Variants in USP47 observed in about 807,000 individuals in gnomAD.
USP47 encodes the protein ubiquitin specific peptidase 47, also known as ubiquitin carboxyl-terminal hydrolase 47.
Under a neutral mutation model 165.1 loss-of-function variants are expected in USP47, and 35 were observed. That is an observed-to-expected ratio of 0.21 (90% CI 0.16 to 0.28). The LOEUF (loss-of-function observed/expected upper bound fraction) is 0.28, where lower values mean the gene tolerates loss of function less well. Ranked by LOEUF, USP47 falls within the 10% of genes least tolerant of loss-of-function variation. USP47 has a pLI of 1.00. For synonymous variants in USP47, 531 were observed against 544.5 expected (o/e 0.98, Z 0.35); for missense variants, 1,277 against 1,607.4 (o/e 0.79, Z 3.52).
chr11:11,937,838 A>G (rs963596827), intron 17 of USP47, among the ~76,000 whole-genome samples: 1 of 151,940 alleles, frequency 6.6e-6, no homozygotes, highest in South Asian at 2.1e-4. Flanking sequence ...CAATGTTTGA[A>G]GATCATTTAT....
rs545476141 is a variant in USP47 at position 11,850,343 on chromosome 11, T to G, written c.39+8119T>G. On this transcript the variant is annotated intron_variant, in intron 1 of 27. Coordinates refer to ENST00000527733, the MANE Select transcript of USP47 (RefSeq NM_001282659.2). ...TGCTTTCTGGGAGATTTTTCTCAAC[T>G]TTGTCTTCCAGTTTTTCTACTAAGT... Among the ~76,000 whole-genome samples, 6 of 152,084 alleles carry G rather than the reference T, an allele frequency of 3.9e-5. No homozygotes were observed. The South Asian group carries it at 1.2e-3, about 32-fold the overall frequency.
At chr11:11,895,897 T>TA (rs1851816574) in intron 4 of USP47, among the ~76,000 whole-genome samples, 1 of 152,228 alleles carries the variant, frequency 6.6e-6, no homozygotes, top group Non-Finnish European at 1.5e-5. Context: ...TATGTTCTCA[T>TA]ATTCTTCTTG....
chr11:11,941,430 A>T (rs1037043579), intron 19 of USP47, among the ~76,000 whole-genome samples: 2 of 152,040 alleles, frequency 1.3e-5, no homozygotes, highest in Non-Finnish European at 2.9e-5. Flanking sequence ...CTTTTATGCA[A>T]AACCCAACAT....
rs533253325 is a variant in USP47, at chr11:11,920,632, A to C, written c.1218+138A>C. Reference sequence around the variant, plus strand: ...GGAAACTTTTTCTTTCTTATTTTCTAATGTGGAATTCAATAAAATGATTTA... The same window carrying C: ...GGAAACTTTTTCTTTCTTATTTTCTCATGTGGAATTCAATAAAATGATTTA... On this transcript the variant is annotated intron_variant, in intron 10 of 27. Coordinates refer to ENST00000527733, the MANE Select transcript of USP47 (RefSeq NM_001282659.2). The C allele has an allele frequency of 4.3e-6, 3 of 705,278 alleles. No homozygotes were observed. The African/African-American group carries it at 5.6e-5, about 13-fold the overall frequency. The allele number at this position is 705,278 out of a possible 1,614,324, so 43.7% of individuals were successfully genotyped here.
intron 1 of USP47, among the ~76,000 whole-genome samples, chr11:11,876,474 AAAGT>A (rs1327600457): frequency 6.6e-6 from 1 of 152,192 alleles, no homozygotes; most frequent in African/African-American, 2.4e-5. Flanking sequence ...AGTGGACCCT[AAAGT>A]TTAGTGACTT....
intron 3 of USP47, among the ~76,000 whole-genome samples, chr11:11,890,069 T>G (rs1386881453): frequency 6.6e-6 from 1 of 152,136 alleles, no homozygotes. Flanking sequence ...GATTAAAGAC[T>G]TCAATGTAAA....
At position 11,905,564 on chromosome 11, in the gene USP47, C is replaced by G. The variant is rs1479316137; in HGVS notation, c.969+16C>G. ...TGCTAGTGTGGTGTGTACCTTTCAC[C>G]TGACTGCTTGTGTATCCTTACACAG... On this transcript the variant is annotated intron_variant, in intron 8 of 27. Transcript: ENST00000527733. 1.3e-6 allele frequency: 2 copies of G among 1,586,656 alleles called. No individual in the cohort carries two copies. The highest frequency in any genetic ancestry group is 1.7e-6 in the Non-Finnish European group (2 of 1,162,478).
intron 5 of USP47, 62 bp downstream of exon 5, chr11:11,897,755 CA>C: frequency 8.6e-7 from 1 of 1,166,780 alleles, no homozygotes. Flanking sequence ...TCACTTTTAA[CA>C]AAATTTATCT....
intron 1 of USP47, among the ~76,000 whole-genome samples, chr11:11,843,303 A>G (rs1314736594): frequency 1.3e-5 from 2 of 152,198 alleles, no homozygotes; most frequent in Non-Finnish European, 2.9e-5. Flanking sequence ...TGATACAAGT[A>G]TTTTCCCAGC....
rs1024997644 is a variant in USP47 at position 11,892,836 on chromosome 11, A to G, written c.496+730A>G. ...TCTCAAGTAAAAAAAAAAAAAAAAG[A>G]AAAAGAAAAAAAAAATTCAAGACTT... On this transcript the variant is annotated intron_variant, in intron 4 of 27. Transcript: ENST00000527733. Among the ~76,000 whole-genome samples the G allele has an allele frequency of 4.9e-4, 32 of 64,904 alleles. 1 individual carries two copies. Among genetic ancestry groups the G allele is most frequent in the African/African-American group, 1.9e-3 (31 of 16,188 alleles). The allele number at this position is 64,904 out of a possible 152,430, so 42.6% of individuals were successfully genotyped here. A position where few individuals can be genotyped will look rare whatever the true frequency, so the allele number is the denominator to read the frequency against.
rs1236693881 is a variant in USP47, at chr11:11,959,638, A to T, written c.*3463A>T. ...ACTTTCAGAAACAAGAATACTGCAC[A>T]AACTCAAGCATGCATTGGAGCATGT... On this transcript the variant is annotated 3_prime_UTR_variant, in exon 28 of 28. Coordinates refer to ENST00000527733, the MANE Select transcript of USP47 (RefSeq NM_001282659.2). 3.3e-5 allele frequency among the ~76,000 whole-genome samples: 5 copies of T among 152,246 alleles called. No homozygotes were observed. Among genetic ancestry groups the T allele is most frequent in the Admixed American group, 3.3e-4 (5 of 15,292 alleles).
intron 1 of USP47, among the ~76,000 whole-genome samples, chr11:11,860,380 G>T (rs1013321420): frequency 6.6e-6 from 1 of 151,990 alleles, no homozygotes; most frequent in East Asian, 1.9e-4. Context: ...TTTGACTTAA[G>T]GAGTCTAATC....
At chr11:11,930,237 A>AT (rs1195972818) in intron 13 of USP47, 117 bp downstream of exon 13, 4 of 836,670 alleles carry the variant, frequency 4.8e-6, no homozygotes, top group Non-Finnish European at 7.5e-6. Context: ...CATGAGCCAA[A>AT]TCCAACCTGC....
intron 1 of USP47, among the ~76,000 whole-genome samples, chr11:11,847,410 C>T (rs1848489077): frequency 6.6e-6 from 1 of 151,996 alleles, no homozygotes; most frequent in Admixed American, 6.6e-5. Flanking sequence ...ATCTCCAGCC[C>T]TGACCCCTTC....
chr11:11,887,273 C>T (rs75812003), intron 3 of USP47, among the ~76,000 whole-genome samples: 3,281 of 152,098 alleles, frequency 0.022, 76 homozygotes, highest in Non-Finnish European at 0.029. Flanking sequence ...AATTAAAAGG[C>T]ACAGAATGGC....
At position 11,947,721 on chromosome 11, in the gene USP47, G is replaced by A. The variant is rs115219730; in HGVS notation, c.3092-224G>A. ...TTTGGCAACCTAAACAAAGAAACAA[G>A]CACTTAAATAGCTCAGAACATTTTA... On this transcript the variant is annotated intron_variant, in intron 20 of 27. Transcript: ENST00000527733. Among the ~76,000 whole-genome samples the A allele has an allele frequency of 5.6e-4, 85 of 152,258 alleles. 1 individual carries two copies. Among genetic ancestry groups the A allele is most frequent in the African/African-American group, 1.9e-3 (81 of 41,554 alleles).
chr11:11,960,998 C>A lies in USP47; in HGVS notation c.*4823C>A, dbSNP rs1293643821. On this transcript the variant is annotated 3_prime_UTR_variant, in exon 28 of 28. Transcript: ENST00000527733. ...AGGCTATGGTTCATCATGCAAATAG[C>A]TCCTGTGTCAGAAATGCTTTTTGGC... Among the ~76,000 whole-genome samples the A allele has an allele frequency of 1.3e-5, 2 of 152,158 alleles. No homozygotes were observed. The highest frequency in any genetic ancestry group is 2.9e-5 in the Non-Finnish European group (2 of 68,030).
intron 1 of USP47, among the ~76,000 whole-genome samples, chr11:11,869,486 A>AG (rs1419708840): frequency 6.6e-6 from 1 of 152,210 alleles, no homozygotes; most frequent in African/African-American, 2.4e-5. Flanking sequence ...AATACCACAC[A>AG]GTCTTGATTA....
At chr11:11,937,531 C>G (rs938541106) in intron 17 of USP47, among the ~76,000 whole-genome samples, 3 of 150,078 alleles carry the variant, frequency 2.0e-5, no homozygotes, top group African/African-American at 7.3e-5. Flanking sequence ...ACTTCTAAGA[C>G]TCTACCCTAT....
Sources: gnomAD v4.1 joint callset for allele counts (sites outside exome capture counted in the v4.1 genomes callset) on GRCh38, gnomAD v4.1.1 for gene constraint, MANE v1.5 for transcripts, NCBI Gene and HGNC (gene_info 2026-07-23, HGNC 2026-07-21) for gene names.